The following TSC2 variants were observed in gnomAD, a reference collection of about 807,000 sequenced individuals.
The protein encoded by TSC2 is tuberin.
In TSC2, 29 loss-of-function variants were observed where a neutral mutation model predicts 202.2. The observed-to-expected ratio is 0.14, with a 90% confidence interval of 0.11 to 0.20. The LOEUF (loss-of-function observed/expected upper bound fraction) is 0.20, where lower values mean the gene tolerates loss of function less well. Among genes scored for constraint, TSC2 ranks in the 10% least tolerant of loss-of-function variants. The probability of loss-of-function intolerance (pLI) is 1.00; values close to 1 mark genes in which losing one functional copy is unlikely to be tolerated. For synonymous variants in TSC2, 1,349 were observed against 1,044.0 expected, an observed-to-expected ratio of 1.29 and a Z score of -5.63; for missense variants, 2,429 against 2,420.0, an observed-to-expected ratio of 1.00 and a Z score of -0.08.
chr16:2,088,841 G>A lies in TSC2; in HGVS notation c.*231G>A, dbSNP rs1266459512. 8 of 593,400 alleles carry A rather than the reference G, an allele frequency of 1.3e-5. No homozygotes were observed. The highest frequency in any genetic ancestry group is 2.0e-5 in the South Asian group (1 of 50,460). The allele number at this position is 593,400 out of a possible 1,614,324, so 36.8% of individuals were successfully genotyped here. On this transcript the variant is annotated 3_prime_UTR_variant, in exon 42 of 42. Coordinates refer to ENST00000219476, the MANE Select transcript of TSC2 (RefSeq NM_000548.5). ...GCACAGCCAGCTCCGAGGGCCTTGAGGCTGCCTGGGCCATACAGCACACTC... is the reference window on the plus strand; with the variant it reads ...GCACAGCCAGCTCCGAGGGCCTTGAAGCTGCCTGGGCCATACAGCACACTC...
intron 5 of TSC2, chr16:2,055,048 C>T (rs938287541): frequency 1.8e-5 from 7 of 399,654 alleles, no homozygotes; most frequent in East Asian, 5.7e-5. Flanking sequence ...ACGTCTCCTC[C>T]GAGCCACTCT....
chr16:2,074,815 C>T (rs532402271), intron 22 of TSC2: 2 of 299,200 alleles, frequency 6.7e-6, no homozygotes, highest in African/African-American at 4.3e-5. Context: ...CAGAAGGGCA[C>T]TGCTGGGCCC....
intron 2 of TSC2, 121 bp from the exon 3 acceptor site, chr16:2,050,279 G>C: frequency 1.0e-6 from 1 of 968,866 alleles, no homozygotes; most frequent in Non-Finnish European, 1.6e-6. Context: ...ATTCCAGAAA[G>C]ATCTGTTTTA....
chr16:2,061,838 AG>A (rs751328884), intron 11 of TSC2, 32 bp from the exon 12 acceptor site: 23 of 1,613,912 alleles, frequency 1.4e-5, no homozygotes, highest in Admixed American at 3.3e-5. Context: ...GGGGAGTGGA[AG>A]TCAGCCTGTG....
At position 2,064,282 on chromosome 16, in the gene TSC2, T is replaced by C. The variant is rs774265657; in HGVS notation, c.1454T>C (p.Ile485Thr). Residue 485 changes from isoleucine to threonine, a missense_variant, in exon 15 of 42, where the codon ATT becomes ACT. Ile to Thr is a moderately conservative substitution (Grantham distance 89). Transcript: ENST00000219476. ...CTTGTGCCTGTGCAGGAGGAGCTGA[T>C]TAACTCAGTGGTCATCTCGCAGCTC... ...INRQFYEEELINSVVISQLSH... is the reference protein window; with the variant it reads ...INRQFYEEELTNSVVISQLSH... 6.2e-7 allele frequency: 1 copy of C among 1,613,884 alleles called. No homozygotes were observed. Among genetic ancestry groups the C allele is most frequent in the South Asian group, 1.1e-5 (1 of 91,084 alleles).
In TSC2 at chr16:2,084,721, C is replaced by T. The variant is rs1555514697; in HGVS notation, c.4493+6C>T. ...GTGCCAGGCATCAACCCCAGGTGGG[C>T]CTCTTGCTTCCGGGCGGGGCTCCTG... On this transcript the variant is annotated splice_donor_region_variant and intron_variant, in intron 34 of 41. Coordinates refer to ENST00000219476, the MANE Select transcript of TSC2 (RefSeq NM_000548.5). The T allele has an allele frequency of 6.3e-7, 1 of 1,598,458 alleles. No homozygotes were observed. The highest frequency in any genetic ancestry group is 8.5e-7 in the Non-Finnish European group (1 of 1,179,856).
At chr16:2,084,095 C>T (rs1033264533) in intron 33 of TSC2, 133 bp from the exon 34 acceptor site, 32 of 1,490,668 alleles carry the variant, frequency 2.1e-5, no homozygotes, top group East Asian at 4.9e-5. Context: ...GGGCGGGGGC[C>T]GTAGCCTGGT....
At chr16:2,063,244 C>T in intron 14 of TSC2, 191 bp downstream of exon 14, 3 of 716,256 alleles carry the variant, frequency 4.2e-6, no homozygotes, top group Non-Finnish European at 7.2e-6. Flanking sequence ...GGTGCCTCTG[C>T]CAGGCCTTGA....
chr16:2,053,799 CCTGCTCA>C (rs1298824926), intron 4 of TSC2: 12 of 524,070 alleles, frequency 2.3e-5, no homozygotes, highest in Non-Finnish European at 4.1e-5. Context: ...GGGCCACTCC[CCTGCTCA>C]CTGCATTCCA....
At chr16:2,051,787 G>A (rs994403866) in intron 3 of TSC2, among the ~76,000 whole-genome samples, 5 of 152,182 alleles carry the variant, frequency 3.3e-5, no homozygotes, top group Admixed American at 6.5e-5. Flanking sequence ...GTCCTTAGCC[G>A]GGCGCAGTGG....
intron 12 of TSC2, among the ~76,000 whole-genome samples, chr16:2,062,243 C>T (rs2086731790): frequency 6.6e-6 from 1 of 152,242 alleles, no homozygotes; most frequent in Non-Finnish European, 1.5e-5. Context: ...TTCCATCCGG[C>T]TCTGTAGAGT....
chr16:2,050,732 C>T (rs1474558383), intron 3 of TSC2, among the ~76,000 whole-genome samples: 1 of 151,168 alleles, frequency 6.6e-6, no homozygotes, highest in Non-Finnish European at 1.5e-5. Flanking sequence ...GCTGGGATTA[C>T]AGGCACGCGC....
intron 16 of TSC2, among the ~76,000 whole-genome samples, chr16:2,068,990 G>C (rs2087809969): frequency 1.3e-5 from 2 of 152,208 alleles, no homozygotes; most frequent in Admixed American, 6.5e-5. Context: ...GGGGACTGAG[G>C]AGGAAGGAGA....
intron 15 of TSC2, 104 bp from the exon 16 acceptor site, chr16:2,065,415 A>G (rs2087201631): frequency 3.8e-6 from 1 of 263,876 alleles, no homozygotes; most frequent in Non-Finnish European, 6.0e-6. Context: ...TCGATCTCAA[A>G]AAAAAAAAAA....
At chr16:2,080,608 C>T (rs553057914) in intron 30 of TSC2, 766 of 561,012 alleles carry the variant, frequency 1.4e-3, no homozygotes, top group Non-Finnish European at 2.0e-3. Flanking sequence ...CTCAGCCTCC[C>T]GAGTAGCTGG....
Position 2,071,601 on chromosome 16 carries a change from G to A in TSC2, c.1931G>A (p.Cys644Tyr), listed in dbSNP as rs758301934. Residue 644 changes from cysteine to tyrosine, a missense_variant, in exon 18 of 42, where the codon TGC becomes TAC. Physicochemically the swap from Cys to Tyr is radical, Grantham distance 194. Coordinates refer to ENST00000219476, the MANE Select transcript of TSC2 (RefSeq NM_000548.5). ...KDGVVRFSPYCVCDYMEPERG... is the reference protein window; with the variant it reads ...KDGVVRFSPYYVCDYMEPERG... Reference sequence around the variant, plus strand: ...GGAGTCGTGCGGTTCAGCCCCTACTGCGTCTGCGACTACATGTACGCGGGA... The same window carrying A: ...GGAGTCGTGCGGTTCAGCCCCTACTACGTCTGCGACTACATGTACGCGGGA... 23 of 1,613,286 alleles carry A rather than the reference G, an allele frequency of 1.4e-5. No individual in the cohort carries two copies. The South Asian group carries it at 2.5e-4, about 18-fold the overall frequency.
At position 2,079,569 on chromosome 16, in the gene TSC2, G is replaced by C. The variant is rs138459325; in HGVS notation, c.3297G>C (p.Gly1099=). 8.7e-6 allele frequency: 14 copies of C among 1,610,854 alleles called. No homozygotes were observed. The highest frequency in any genetic ancestry group is 5.1e-6 in the Non-Finnish European group (6 of 1,179,276). Reference sequence around the variant, plus strand: ...ATTCTCTTCTCAGCTCCAGCCCCGGGGTGCATGTGAGACAGACCAAGGAGG... The same window carrying C: ...ATTCTCTTCTCAGCTCCAGCCCCGGCGTGCATGTGAGACAGACCAAGGAGG... ...QSGPESSSSP[G]VHVRQTKEAP... Residue 1099 remains glycine (G), a synonymous_variant, in exon 29 of 42, where the codon GGG becomes GGC. Coordinates refer to ENST00000219476, the MANE Select transcript of TSC2 (RefSeq NM_000548.5). This position sits in a 1 kb window ranked among gnomAD's most constrained non-coding sequence, Gnocchi z 4.6.
chr16:2,080,191 C>G lies in TSC2; in HGVS notation c.3424C>G (p.Leu1142Val), dbSNP rs1060504111. ...GGGCCATGGTCTTCGAGTTGGCGCC[C>G]TGGACGTGCCGGCCTCCCAGTTCCT... is the stretch of plus-strand genomic sequence containing the variant. ...SGGHGLRVGALDVPASQFLGS... is the reference protein window; with the variant it reads ...SGGHGLRVGAVDVPASQFLGS... Residue 1142 changes from leucine (L) to valine (V), a missense_variant, in exon 30 of 42, where the codon CTG (leucine) becomes GTG (valine). Physicochemically the swap from Leu to Val is conservative, Grantham distance 32 (BLOSUM62 1). Transcript: ENST00000219476. 6.2e-7 allele frequency: 1 copy of G among 1,612,962 alleles called. No homozygotes were observed. Among genetic ancestry groups the G allele is most frequent in the African/African-American group, 1.3e-5 (1 of 75,072 alleles).
chr16:2,053,375 G>T lies in TSC2; in HGVS notation c.259G>T (p.Asp87Tyr). 6.3e-7 allele frequency: 1 copy of T among 1,591,852 alleles called. No homozygotes were observed. The highest frequency in any genetic ancestry group is 1.1e-5 in the South Asian group (1 of 87,290). The change falls in exon 4 of 42, where the codon GAT becomes TAT. Residue 87 changes from aspartate (D) to tyrosine (Y), a missense_variant. Transcript: ENST00000219476. Reference protein sequence around the residue: ...AVEALWKAVADLLQPERPLEA... With the variant: ...AVEALWKAVAYLLQPERPLEA... Reference sequence around the variant, plus strand: ...GGAAGCACTCTGGAAGGCGGTCGCGGATCTGTTGCAGCCGGAGCGGCCGCT... The same window carrying T: ...GGAAGCACTCTGGAAGGCGGTCGCGTATCTGTTGCAGCCGGAGCGGCCGCT...
Sources: allele counts gnomAD v4.1 joint callset (sites outside exome capture counted in the v4.1 genomes callset), GRCh38; gene constraint gnomAD v4.1.1; non-coding constraint Gnocchi (gnomAD v3.1); transcripts MANE v1.5; gene names NCBI Gene and HGNC (gene_info 2026-07-23, HGNC 2026-07-21).